Variants in PNPLA1 observed in about 807,000 individuals in gnomAD.
PNPLA1 encodes the protein patatin like domain 1, omega-hydroxyceramide transacylase, also known as omega-hydroxyceramide transacylase.
A neutral mutation model predicts 51.7 loss-of-function variants in PNPLA1; 36 were observed. That is an observed-to-expected ratio of 0.70 (90% CI 0.53 to 0.92). The LOEUF (loss-of-function observed/expected upper bound fraction) is 0.92. Among genes scored for constraint, PNPLA1 ranks in the 40% least tolerant of loss-of-function variants. The pLI is 0.00. For synonymous variants in PNPLA1, 293 were observed against 280.1 expected (o/e 1.05, Z -0.46); for missense variants, 658 against 682.5 (o/e 0.96, Z 0.40).
intron 8 of PNPLA1, chr6:36,308,535 AC>A (rs1286502380): frequency 1.3e-5 from 2 of 152,172 alleles, no homozygotes; most frequent in Non-Finnish European, 2.9e-5. Flanking sequence ...CTTATTGAGC[AC>A]CTACTAAGTG....
At chr6:36,281,104 A>T (rs1227576115) in intron 1 of PNPLA1, among the ~76,000 whole-genome samples, 1 of 152,124 alleles carries the variant, frequency 6.6e-6, no homozygotes, top group Admixed American at 6.5e-5. Context: ...CTTGTTTCTG[A>T]AGCTGGAAAG....
chr6:36,273,251 T>TAAATAATAAATA (rs1554135523), intron 1 of PNPLA1, among the ~76,000 whole-genome samples: 17 of 146,622 alleles, frequency 1.2e-4, no homozygotes, highest in South Asian at 6.6e-4. Flanking sequence ...AATAAATAAA[T>TAAATAATAAATA]AATAAATAAA....
intron 1 of PNPLA1, among the ~76,000 whole-genome samples, chr6:36,263,531 G>T (rs1295919331): frequency 6.6e-6 from 1 of 152,180 alleles, no homozygotes; most frequent in African/African-American, 2.4e-5. Context: ...GGTAATAAGA[G>T]AAGTGACGTG....
chr6:36,278,044 C>G (rs571426425), intron 1 of PNPLA1, among the ~76,000 whole-genome samples: 1 of 152,124 alleles, frequency 6.6e-6, no homozygotes, highest in South Asian at 2.1e-4. Context: ...TGACCCTCTG[C>G]CCCCCTTTCA....
upstream of PNPLA1, among the ~76,000 whole-genome samples, chr6:36,265,781 G>C (rs1769746483): frequency 6.6e-6 from 1 of 152,122 alleles, no homozygotes; most frequent in South Asian, 2.1e-4. Flanking sequence ...AAGGACCCAG[G>C]GTTTTTCTTG....
chr6:36,307,897 G>T (rs1771292448), intron 8 of PNPLA1, 185 bp downstream of exon 8: 1 of 671,986 alleles, frequency 1.5e-6, no homozygotes, highest in Non-Finnish European at 2.3e-6. Flanking sequence ...AGGGATCATG[G>T]TTGGGACACT....
rs1770922513 is a variant in PNPLA1 at position 36,298,331 on chromosome 6, T to C, written c.775+2907T>C. Among the ~76,000 whole-genome samples the C allele has an allele frequency of 2.0e-5, 3 of 152,250 alleles. No individual in the cohort carries two copies. In the South Asian group the frequency reaches 6.2e-4, roughly 32 times the overall value. ...ACGCATGAGTCTTGGTGTGGACATATGCTTTCATTTCTCTTGGGTAAATAC... is the reference window on the plus strand; with the variant it reads ...ACGCATGAGTCTTGGTGTGGACATACGCTTTCATTTCTCTTGGGTAAATAC... On this transcript the variant is annotated intron_variant, in intron 5 of 8. Coordinates refer to ENST00000636260, the MANE Select transcript of PNPLA1 (RefSeq NM_001374623.1).
intron 1 of PNPLA1, among the ~76,000 whole-genome samples, chr6:36,248,322 T>A (rs1365634924): frequency 6.6e-6 from 1 of 152,182 alleles, no homozygotes; most frequent in African/African-American, 2.4e-5. Flanking sequence ...GGGCCCTGCA[T>A]GTAGCACCTC....
chr6:36,273,386 A>G (rs1433058316), intron 1 of PNPLA1, among the ~76,000 whole-genome samples: 1 of 152,120 alleles, frequency 6.6e-6, no homozygotes, highest in African/African-American at 2.4e-5. Context: ...AGATCTTTTT[A>G]ATGCACAGTC....
upstream of PNPLA1, among the ~76,000 whole-genome samples, chr6:36,266,046 A>G (rs1769751505): frequency 6.6e-6 from 1 of 152,208 alleles, no homozygotes; most frequent in African/African-American, 2.4e-5. Flanking sequence ...CTGCCAAGAA[A>G]GTTGGCTCCC....
At chr6:36,265,139 G>C (rs1582039684), upstream of PNPLA1, among the ~76,000 whole-genome samples, 1 of 152,296 alleles carries the variant, frequency 6.6e-6, no homozygotes, top group East Asian at 1.9e-4. Context: ...TCAGGAGTTT[G>C]TGACTAGCCT....
intron 1 of PNPLA1, among the ~76,000 whole-genome samples, chr6:36,281,135 A>G (rs1770268373): frequency 6.6e-6 from 1 of 152,096 alleles, no homozygotes; most frequent in South Asian, 2.1e-4. Context: ...AGCTCAGCCC[A>G]CCATACTACT....
At chr6:36,291,575 G>GGAA in intron 2 of PNPLA1, 23 bp downstream of exon 2, 3 of 521,310 alleles carry the variant, frequency 5.8e-6, no homozygotes, top group Non-Finnish European at 1.1e-5. Context: ...GGCTGGGAGG[G>GGAA]AGGGACACGG....
At chr6:36,279,763 G>C (rs1770220698) in intron 1 of PNPLA1, among the ~76,000 whole-genome samples, 1 of 152,132 alleles carries the variant, frequency 6.6e-6, no homozygotes, top group Non-Finnish European at 1.5e-5. Context: ...CCCAGTGCTT[G>C]GCAAATATTA....
chr6:36,262,118 G>T (rs892619598), intron 1 of PNPLA1, among the ~76,000 whole-genome samples: 1 of 152,202 alleles, frequency 6.6e-6, no homozygotes, highest in Non-Finnish European at 1.5e-5. Context: ...AGTGCAAGGA[G>T]ACTGAGAGCC....
At chr6:36,287,750 A>G (rs1277181049) in intron 1 of PNPLA1, among the ~76,000 whole-genome samples, 1 of 99,422 alleles carries the variant, frequency 1.0e-5, no homozygotes, top group Admixed American at 1.2e-4. Flanking sequence ...TTGAAGACAG[A>G]CAGAAACACA....
At chr6:36,272,730 T>G (rs994348963) in intron 1 of PNPLA1, among the ~76,000 whole-genome samples, 2 of 152,158 alleles carry the variant, frequency 1.3e-5, no homozygotes, top group African/African-American at 4.8e-5. Flanking sequence ...CTGGGCTGTG[T>G]GAGGGAGAGG....
At chr6:36,287,622 CACTTA>C (rs1225090607) in intron 1 of PNPLA1, among the ~76,000 whole-genome samples, 3 of 152,148 alleles carry the variant, frequency 2.0e-5, no homozygotes, top group Non-Finnish European at 4.4e-5. Context: ...CTGTGCTTAA[CACTTA>C]ACTTTCTACC....
chr6:36,311,174 G>A (rs749443383), intron 8 of PNPLA1, among the ~76,000 whole-genome samples: 10 of 152,224 alleles, frequency 6.6e-5, no homozygotes, highest in Non-Finnish European at 1.5e-4. Flanking sequence ...ACTGATGCAC[G>A]CTGGAGTTTG....
Sources: allele counts gnomAD v4.1 joint callset (sites outside exome capture counted in the v4.1 genomes callset), GRCh38; gene constraint gnomAD v4.1.1; transcripts MANE v1.5; gene names NCBI Gene and HGNC (gene_info 2026-07-23, HGNC 2026-07-21).